Variants in PCID2 observed in about 807,000 individuals in gnomAD.
The protein encoded by PCID2 is PCI domain-containing protein 2.
Under a neutral mutation model 61.3 loss-of-function variants are expected in PCID2, and 41 were observed. That is an observed-to-expected ratio of 0.67 (90% CI 0.52 to 0.87). The LOEUF (loss-of-function observed/expected upper bound fraction) is 0.87. Among genes scored for constraint, PCID2 ranks in the 40% least tolerant of loss-of-function variants. The pLI is 0.00. For missense variants in PCID2, 392 were observed against 493.4 expected, an observed-to-expected ratio of 0.79 and a Z score of 1.95; for synonymous variants, 187 against 177.8, an observed-to-expected ratio of 1.05 and a Z score of -0.41.
intron 10 of PCID2, 66 bp from the exon 11 acceptor site, chr13:113,180,297 C>T (rs2037517355): frequency 4.1e-6 from 5 of 1,220,774 alleles, no homozygotes; most frequent in South Asian, 2.4e-5. Flanking sequence ...GATAAATATT[C>T]ATATCAAGGA....
At chr13:113,165,201 C>G in the PCID2 span, 7 of 1,411,076 alleles carry the variant, frequency 5.0e-6, no homozygotes, top group African/African-American at 1.4e-5. Context: ...GAAATGTTGA[C>G]AACTAAGTGA....
chr13:113,180,675 C>T (rs1027063713), intron 10 of PCID2, among the ~76,000 whole-genome samples: 2 of 152,178 alleles, frequency 1.3e-5, no homozygotes, highest in Non-Finnish European at 2.9e-5. Context: ...AAGCTTTAGC[C>T]ACCTGTGTGC....
At chr13:113,172,740 C>T (rs1436068878), downstream of PCID2, among the ~76,000 whole-genome samples, 6 of 152,202 alleles carry the variant, frequency 3.9e-5, no homozygotes, top group African/African-American at 1.2e-4. Flanking sequence ...AGGGTTCCCA[C>T]GGAAGGTTCC....
chr13:113,181,641 G>T (rs1332207061), intron 9 of PCID2, among the ~76,000 whole-genome samples: 2 of 152,124 alleles, frequency 1.3e-5, no homozygotes, highest in Non-Finnish European at 2.9e-5. Context: ...ATTAAACAAT[G>T]AAAATAACTT....
At chr13:113,173,439 C>T (rs2037147281), downstream of PCID2, among the ~76,000 whole-genome samples, 2 of 152,194 alleles carry the variant, frequency 1.3e-5, no homozygotes, top group Admixed American at 6.5e-5. Flanking sequence ...CCTTGAGTGA[C>T]ACAGAGCAGA....
chr13:113,171,784 A>G, the PCID2 span: 1 of 1,612,684 alleles, frequency 6.2e-7, no homozygotes, highest in South Asian at 1.1e-5. The surrounding 1 kb of genome is among the most constrained non-coding windows in gnomAD (Gnocchi z 5.1). Context: ...TCCTCATCCC[A>G]CGCACCAGGG....
chr13:113,179,816 C>T lies in PCID2; in HGVS notation c.986+101G>A, dbSNP rs1236086445. ...CAATGGAAGGAAGATAACGACCCCA[C>T]CCACACGGTGGCCTTCTCTCTTAGA... On this transcript the variant is annotated intron_variant, in intron 12 of 13. Coordinates refer to ENST00000337344, the MANE Select transcript of PCID2 (RefSeq NM_001127202.4). This position sits in a 1 kb window ranked among gnomAD's most constrained non-coding sequence, Gnocchi z 4.3. 2.5e-6 allele frequency: 3 copies of T among 1,196,370 alleles called. No individual in the cohort carries two copies. The African/African-American group carries it at 4.6e-5, about 18-fold the overall frequency. The allele number at this position is 1,196,370 out of a possible 1,614,324, so 74.1% of individuals were successfully genotyped here.
At chr13:113,197,853 G>C (rs1483852560) in intron 3 of PCID2, among the ~76,000 whole-genome samples, 1 of 152,166 alleles carries the variant, frequency 6.6e-6, no homozygotes, top group Non-Finnish European at 1.5e-5. Flanking sequence ...AGCATTGTTT[G>C]CTTTGCTCAA....
intron 6 of PCID2, among the ~76,000 whole-genome samples, chr13:113,191,680 AAG>A (rs1285262940): frequency 6.6e-6 from 1 of 152,208 alleles, no homozygotes; most frequent in African/African-American, 2.4e-5. Context: ...TTAAAGAAGA[AAG>A]AGTCTGTTTC....
the PCID2 span, chr13:113,171,893 C>T: frequency 6.2e-7 from 1 of 1,613,740 alleles, no homozygotes; most frequent in Non-Finnish European, 8.5e-7. This position sits in a 1 kb window ranked among gnomAD's most constrained non-coding sequence, Gnocchi z 5.1. Flanking sequence ...CGGGCAGGTC[C>T]TGAATGTGAC....
chr13:113,176,110 G>A (rs2037180944), downstream of PCID2, among the ~76,000 whole-genome samples: 1 of 152,256 alleles, frequency 6.6e-6, no homozygotes, highest in Non-Finnish European at 1.5e-5. Flanking sequence ...GCATCCAGGG[G>A]AACCTGAGGA....
chr13:113,170,034 A>G, the PCID2 span, among the ~76,000 whole-genome samples: 1 of 152,168 alleles, frequency 6.6e-6, no homozygotes, highest in Non-Finnish European at 1.5e-5. Flanking sequence ...CCTGCTCTGC[A>G]CCATGGAAAT....
At chr13:113,183,281 A>G (rs1312779506) in intron 9 of PCID2, among the ~76,000 whole-genome samples, 1 of 152,216 alleles carries the variant, frequency 6.6e-6, no homozygotes, top group Non-Finnish European at 1.5e-5. Flanking sequence ...AACTATGACT[A>G]TGTCGCATCA....
chr13:113,177,481 G>C (rs1425753855), downstream of PCID2: 4 of 152,318 alleles, frequency 2.6e-5, no homozygotes, highest in Admixed American at 2.0e-4. Flanking sequence ...GTTTGATTTT[G>C]CCTAAGAGTG....
the PCID2 span, chr13:113,171,721 C>T: frequency 6.2e-7 from 1 of 1,612,778 alleles, no homozygotes; most frequent in East Asian, 2.2e-5. The surrounding 1 kb of genome is among the most constrained non-coding windows in gnomAD (Gnocchi z 5.1). Flanking sequence ...CCATCCAGTG[C>T]CCAGGTGCGG....
downstream of PCID2, among the ~76,000 whole-genome samples, chr13:113,173,455 G>A (rs77664847): frequency 8.1e-3 from 1,234 of 152,342 alleles, 20 homozygotes; most frequent in African/African-American, 0.028. Flanking sequence ...GCAGAGCATC[G>A]TTGAAGAGCA....
the PCID2 span, among the ~76,000 whole-genome samples, chr13:113,165,703 A>G: frequency 6.6e-6 from 1 of 151,856 alleles, no homozygotes; most frequent in African/African-American, 2.4e-5. Flanking sequence ...GCTGATTTTT[A>G]TATTTTTAGT....
In PCID2 at chr13:113,200,484, T is replaced by C. The variant is rs2039336596; in HGVS notation, c.69A>G (p.Ala23=). The C allele has an allele frequency of 1.2e-6, 2 of 1,613,536 alleles. No individual in the cohort carries two copies. The highest frequency in any genetic ancestry group is 3.3e-5 in the Admixed American group (2 of 60,028). ...VYEAIDSRDG[A]SCAELVSFKH... The stretch of plus-strand genomic sequence containing the variant: ...TAAAAGACACCAACTCTGCACAAGA[T>C]GCTCCATCTCTGCTGTCGATGGCTT... Residue 23 remains alanine (A), a synonymous_variant, in exon 2 of 14, where the codon GCA becomes GCG. Coordinates refer to ENST00000337344, the MANE Select transcript of PCID2 (RefSeq NM_001127202.4).
rs550456521 is a variant in PCID2, at chr13:113,179,329, T to G, written c.987-240A>C. 6.8e-5 allele frequency among the ~76,000 whole-genome samples: 10 copies of G among 147,420 alleles called. No homozygotes were observed. In the South Asian group the frequency reaches 8.5e-4, roughly 13 times the overall value. On this transcript the variant is annotated intron_variant, in intron 12 of 13. Coordinates refer to ENST00000337344, the MANE Select transcript of PCID2 (RefSeq NM_001127202.4). The surrounding 1 kb of genome is among the most constrained non-coding windows in gnomAD (Gnocchi z 4.3). ...TTCTAAGTATTTCATTAAGGTTCGG[T>G]TTTTTTTTTCACATTTTAATCTCCC... is the stretch of plus-strand genomic sequence containing the variant.
Sources: gnomAD v4.1 joint callset for allele counts (sites outside exome capture counted in the v4.1 genomes callset) on GRCh38, gnomAD v4.1.1 for gene constraint, Gnocchi (gnomAD v3.1) non-coding constraint, MANE v1.5 for transcripts, NCBI Gene and HGNC (gene_info 2026-07-23, HGNC 2026-07-21) for gene names.